The following ZNF365 variants were observed in gnomAD, a reference collection of about 807,000 sequenced individuals.
ZNF365 encodes the protein protein ZNF365.
A neutral mutation model predicts 35.0 loss-of-function variants in ZNF365; 22 were observed. The ratio of observed to expected loss-of-function variants is 0.63; its 90% CI spans 0.45 to 0.90. ZNF365 has a LOEUF of 0.90. Ranked by LOEUF, ZNF365 falls within the 40% of genes least tolerant of loss-of-function variation. ZNF365 has a pLI of 0.00. For missense variants in ZNF365, 448 were observed against 500.3 expected, an observed-to-expected ratio of 0.90 and a Z score of 1.00; for synonymous variants, 188 against 196.2, an observed-to-expected ratio of 0.96 and a Z score of 0.35.
intron 3 of ZNF365, among the ~76,000 whole-genome samples, chr10:62,410,647 G>A (rs886773147): frequency 2.6e-5 from 4 of 152,114 alleles, no homozygotes; most frequent in African/African-American, 7.2e-5. Context: ...TTAGTTTGAT[G>A]AGGATAATGG....
intron 3 of ZNF365, among the ~76,000 whole-genome samples, chr10:62,422,865 C>A (rs1019241873): frequency 6.6e-6 from 1 of 152,080 alleles, no homozygotes; most frequent in African/African-American, 2.4e-5. Context: ...GAAGACGAAA[C>A]TAAGTTGTGT....
intron 3 of ZNF365, among the ~76,000 whole-genome samples, chr10:62,430,137 C>T (rs1840311201): frequency 6.6e-6 from 1 of 151,692 alleles, no homozygotes; most frequent in Admixed American, 6.6e-5. Flanking sequence ...GTACCTAAAT[C>T]TAACTCTTTG....
At chr10:62,440,748 A>G (rs927946417) in intron 3 of ZNF365, among the ~76,000 whole-genome samples, 6 of 152,194 alleles carry the variant, frequency 3.9e-5, no homozygotes, top group Non-Finnish European at 8.8e-5. Context: ...CCTGGTCCCT[A>G]CCTTAAAACT....
rs1433601476 is a variant in ZNF365, at chr10:62,400,497, C to G, written c.*708C>G. 1 of 985,874 alleles carries G rather than the reference C, an allele frequency of 1.0e-6. No homozygotes were observed. The highest frequency in any genetic ancestry group is 1.2e-6 in the Non-Finnish European group (1 of 829,958). The allele number at this position is 985,874 out of a possible 1,614,324, so 61.1% of individuals were successfully genotyped here. A position where few individuals can be genotyped will look rare whatever the true frequency, so the allele number is the denominator to read the frequency against. ...GTCTTCTTTGGCTGAGTATTCTGCA[C>G]CCACAGACCATGCTGCCAGCCTCTA... On this transcript the variant is annotated 3_prime_UTR_variant, in exon 5 of 5. Transcript: ENST00000395254.
intron 3 of ZNF365, among the ~76,000 whole-genome samples, chr10:62,454,804 G>A (rs1840736913): frequency 2.0e-5 from 3 of 152,204 alleles, no homozygotes; most frequent in Non-Finnish European, 4.4e-5. Flanking sequence ...ACACCCTCAA[G>A]GAGCGCATAC....
rs1476966379 is a variant in ZNF365 at position 62,418,228 on chromosome 10, A to G, written c.924+29652A>G. 3.9e-5 allele frequency among the ~76,000 whole-genome samples: 6 copies of G among 152,182 alleles called. No homozygotes were observed. In the East Asian group the frequency reaches 9.6e-4, roughly 24 times the overall value. On this transcript the variant is annotated intron_variant, in intron 3 of 4. Transcript: ENST00000395255. ...CCTGGTCAATATTTCTTTTTTTGAC[A>G]TAAAAAAGCACATACATTTTGTCAA...
intron 3 of ZNF365, among the ~76,000 whole-genome samples, chr10:62,438,509 G>C (rs1311000223): frequency 6.6e-6 from 1 of 151,962 alleles, no homozygotes; most frequent in Non-Finnish European, 1.5e-5. Flanking sequence ...TTATTGAAAG[G>C]GGAAAGACTA....
At chr10:62,392,875 G>A (rs1437181368) in intron 3 of ZNF365, among the ~76,000 whole-genome samples, 5 of 152,158 alleles carry the variant, frequency 3.3e-5, no homozygotes, top group East Asian at 1.9e-4. Flanking sequence ...CAGGTGATCC[G>A]CCCGCCTCGG....
intron 2 of ZNF365, among the ~76,000 whole-genome samples, chr10:62,381,306 G>A (rs1839434572): frequency 6.6e-6 from 1 of 152,120 alleles, no homozygotes; most frequent in South Asian, 2.1e-4. Context: ...GGTTGCCCCT[G>A]TTTCCTGCTG....
At chr10:62,387,950 C>T (rs1839551164) in intron 2 of ZNF365, among the ~76,000 whole-genome samples, 1 of 152,138 alleles carries the variant, frequency 6.6e-6, no homozygotes, top group Admixed American at 6.5e-5. Flanking sequence ...CTACCTAGCT[C>T]CCTCCTCCAT....
intron 3 of ZNF365, among the ~76,000 whole-genome samples, chr10:62,431,488 CTGTTAATAGT>C (rs1840333593): frequency 3.1e-5 from 1 of 31,912 alleles, no homozygotes; most frequent in South Asian, 1.5e-3. Flanking sequence ...ATAGTCTATG[CTGTTAATAGT>C]CTAATGCTGT....
intron 4 of ZNF365, chr10:62,459,944 G>C (rs1840821007): frequency 1.5e-6 from 1 of 682,334 alleles, no homozygotes; most frequent in Non-Finnish European, 2.5e-6. Flanking sequence ...CTTCTCCCAA[G>C]TCATCATTAG....
intron 3 of ZNF365, among the ~76,000 whole-genome samples, chr10:62,418,159 A>G (rs922547026): frequency 2.0e-5 from 3 of 152,040 alleles, no homozygotes; most frequent in African/African-American, 7.2e-5. Context: ...TAAGTGGTCT[A>G]TCTTATAGTA....
chr10:62,411,068 A>G (rs1839977785), intron 3 of ZNF365, among the ~76,000 whole-genome samples: 1 of 152,176 alleles, frequency 6.6e-6, no homozygotes, highest in African/African-American at 2.4e-5. Flanking sequence ...AGCTGCATAA[A>G]TGTCTTCTTT....
rs536004980 is a variant in ZNF365, at chr10:62,399,379, A to G, written c.963-149A>G. On this transcript the variant is annotated intron_variant, in intron 4 of 4. Coordinates refer to ENST00000395254, the MANE Select transcript of ZNF365 (RefSeq NM_014951.3). ...CCACAGGAATTTTTGGAAGAAAAAT[A>G]CTCATATTATGATTTGCCTTTGTGG... 4.3e-4 allele frequency: 509 copies of G among 1,188,360 alleles called. 1 individual carries two copies. In the African/African-American group the frequency reaches 7.0e-3, roughly 16 times the overall value. 73.6% of individuals were successfully genotyped at this position (1,188,360 alleles called of 1,614,324 possible).
At position 62,376,219 on chromosome 10, in the gene ZNF365, G is replaced by A. The variant is rs777223328; in HGVS notation, c.26G>A (p.Ser9Asn). 18 of 1,614,014 alleles carry A rather than the reference G, an allele frequency of 1.1e-5. 1 individual carries two copies. Among genetic ancestry groups the A allele is most frequent in the Middle Eastern group, 3.3e-4 (2 of 6,084 alleles). The change falls in exon 2 of 5, where the codon AGC (serine) becomes AAC (asparagine). Residue 9 changes from serine to asparagine, a missense_variant. Coordinates refer to ENST00000395254, the MANE Select transcript of ZNF365 (RefSeq NM_014951.3). ...ATGCAACAGAAGGCTTTTGAGGAAA[G>A]CAGATATCCCTGGCAGGAGTCCTTT... Reference protein sequence around the residue: MQQKAFEESRYPWQESFEN... With the variant: MQQKAFEENRYPWQESFEN...
chr10:62,435,239 G>A (rs1473928772), intron 3 of ZNF365, among the ~76,000 whole-genome samples: 2 of 152,170 alleles, frequency 1.3e-5, no homozygotes, highest in Non-Finnish European at 2.9e-5. Context: ...ATTGGTGGGT[G>A]AAATAATTGA....
intron 3 of ZNF365, among the ~76,000 whole-genome samples, chr10:62,456,531 A>T (rs1470798636): frequency 6.6e-6 from 1 of 152,208 alleles, no homozygotes; most frequent in Non-Finnish European, 1.5e-5. Context: ...GTTGGATAGA[A>T]AAAGCCAAAT....
In ZNF365 at chr10:62,401,591, A is replaced by G. The variant is rs576059553; in HGVS notation, c.*1802A>G. 1 of 984,276 alleles carries G rather than the reference A, an allele frequency of 1.0e-6. No individual in the cohort carries two copies. Among genetic ancestry groups the G allele is most frequent in the South Asian group, 4.7e-5 (1 of 21,262 alleles). 61.0% of individuals were successfully genotyped at this position (984,276 alleles called of 1,614,324 possible). A position where few individuals can be genotyped will look rare whatever the true frequency, so the allele number is the denominator to read the frequency against. ...CTAACATTGTAAAAATTGTAATGTTATAATTATTATTTATTTGGAGAATTA... is the reference window on the plus strand; with the variant it reads ...CTAACATTGTAAAAATTGTAATGTTGTAATTATTATTTATTTGGAGAATTA... On this transcript the variant is annotated 3_prime_UTR_variant, in exon 5 of 5. Coordinates refer to ENST00000395254, the MANE Select transcript of ZNF365 (RefSeq NM_014951.3).
Sources: allele counts gnomAD v4.1 joint callset (sites outside exome capture counted in the v4.1 genomes callset), GRCh38; gene constraint gnomAD v4.1.1; transcripts MANE v1.5; gene names NCBI Gene and HGNC (gene_info 2026-07-23, HGNC 2026-07-21).